The following ERICH3 variants were observed in gnomAD, a reference collection of about 807,000 sequenced individuals.
ERICH3 encodes glutamate-rich protein 3.
A neutral mutation model predicts 131.1 loss-of-function variants in ERICH3; 126 were observed. The observed-to-expected ratio is 0.96, with a 90% CI of 0.83 to 1.11. The LOEUF (loss-of-function observed/expected upper bound fraction) is 1.11. ERICH3 is among the 50% of genes most tolerant of loss of function. The pLI, the probability that ERICH3 is intolerant of heterozygous loss-of-function variation, is 0.00. For synonymous variants in ERICH3, 695 were observed against 644.6 expected (o/e 1.08, Z -1.18); for missense variants, 2,050 against 1,810.7 (o/e 1.13, Z -2.40).
chr1:74,635,880 C>T (rs774501406), intron 6 of ERICH3, among the ~76,000 whole-genome samples: 7 of 152,150 alleles, frequency 4.6e-5, no homozygotes, highest in Non-Finnish European at 1.0e-4. Flanking sequence ...GAAAGTAAGT[C>T]GGCATGCAAA....
rs1424758940 is a variant in ERICH3 at position 74,621,405 on chromosome 1, G to T, written c.820-491C>A. 3 of 152,330 alleles carry T rather than the reference G, an allele frequency of 2.0e-5. No individual in the cohort carries two copies. In the East Asian group the frequency reaches 5.8e-4, roughly 29 times the overall value. The allele number at this position is 152,330 out of a possible 1,614,324, so 9.4% of individuals were successfully genotyped here. Reference sequence around the variant, plus strand: ...TGCTTTATCTTTACAGCTGAGCACTGACAACACATCCTTCCCTGGGCTTAT... The same window carrying T: ...TGCTTTATCTTTACAGCTGAGCACTTACAACACATCCTTCCCTGGGCTTAT... On this transcript the variant is annotated intron_variant, in intron 7 of 14. Transcript: ENST00000326665.
At chr1:74,663,102 A>T (rs567392582) in intron 1 of ERICH3, among the ~76,000 whole-genome samples, 2 of 152,198 alleles carry the variant, frequency 1.3e-5, no homozygotes, top group Non-Finnish European at 2.9e-5. Flanking sequence ...CTCTGCATCT[A>T]GCTCAGGACT....
intron 1 of ERICH3, among the ~76,000 whole-genome samples, chr1:74,650,326 G>A (rs1477418172): frequency 1.3e-5 from 2 of 152,084 alleles, no homozygotes; most frequent in Admixed American, 6.6e-5. Context: ...GTCAATCTAA[G>A]TCTGTATGTC....
chr1:74,582,622 C>T (rs1214109767), intron 12 of ERICH3, among the ~76,000 whole-genome samples: 1 of 152,086 alleles, frequency 6.6e-6, no homozygotes, highest in Non-Finnish European at 1.5e-5. Flanking sequence ...AATAATTCAA[C>T]TGCTTTTGTG....
At chr1:74,658,503 C>T (rs1054103428) in intron 1 of ERICH3, among the ~76,000 whole-genome samples, 12 of 151,976 alleles carry the variant, frequency 7.9e-5, no homozygotes, top group African/African-American at 2.9e-4. Context: ...TCAACAAACA[C>T]CTAGTAGGTG....
chr1:74,647,450 T>C (rs1646495770), intron 2 of ERICH3, among the ~76,000 whole-genome samples: 1 of 152,116 alleles, frequency 6.6e-6, no homozygotes, highest in Admixed American at 6.6e-5. Flanking sequence ...TAATTTGTTG[T>C]TTTGATTCAG....
intron 11 of ERICH3, 25 bp from the exon 12 acceptor site, chr1:74,590,105 T>C (rs1054808692): frequency 4.6e-6 from 7 of 1,519,060 alleles, no homozygotes; most frequent in Non-Finnish European, 6.2e-6. Flanking sequence ...AGTGATGACA[T>C]TGTTGTTGTT....
Position 74,571,105 on chromosome 1 carries a change from C to A in ERICH3, c.*12G>T. ...ACATTACGCTTAAACTCACTGTCTG[C>A]CAGCAAGTCTCCTAGACCTGCACGT... is the stretch of plus-strand genomic sequence containing the variant. On this transcript the variant is annotated 3_prime_UTR_variant, in exon 14 of 15. Transcript: ENST00000326665. The A allele has an allele frequency of 6.2e-7, 1 of 1,606,894 alleles. No individual in the cohort carries two copies. Among genetic ancestry groups the A allele is most frequent in the Non-Finnish European group, 8.5e-7 (1 of 1,176,076 alleles).
At chr1:74,581,511 G>T (rs1038498359) in intron 12 of ERICH3, among the ~76,000 whole-genome samples, 4 of 152,026 alleles carry the variant, frequency 2.6e-5, no homozygotes, top group African/African-American at 7.2e-5. Context: ...TTAGATCCAA[G>T]AATTATTTAG....
intron 12 of ERICH3, among the ~76,000 whole-genome samples, chr1:74,585,018 T>C (rs1016447602): frequency 1.3e-5 from 2 of 152,208 alleles, no homozygotes; most frequent in Non-Finnish European, 2.9e-5. Context: ...GCACTATGAC[T>C]TTTCCTGATT....
chr1:74,645,861 G>C (rs1646478296), intron 3 of ERICH3, among the ~76,000 whole-genome samples: 1 of 151,974 alleles, frequency 6.6e-6, no homozygotes, highest in Admixed American at 6.6e-5. Flanking sequence ...ACTTCATATT[G>C]GTTTACTGAT....
intron 12 of ERICH3, chr1:74,577,239 T>C (rs1479118282): frequency 1.5e-5 from 2 of 129,228 alleles, no homozygotes; most frequent in African/African-American, 4.8e-5. Flanking sequence ...TATTCCTTAG[T>C]TGAAAGAAAA....
chr1:74,644,769 C>CTAATGAGCTGGAAA (rs902678349), intron 3 of ERICH3, among the ~76,000 whole-genome samples: 1 of 152,070 alleles, frequency 6.6e-6, no homozygotes, highest in Non-Finnish European at 1.5e-5. Flanking sequence ...TTTTCCAGCT[C>CTAATGAGCTGGAAA]ATTAATCCAT....
chr1:74,643,021 C>G lies in ERICH3; in HGVS notation c.315+6G>C, dbSNP rs754768286. On this transcript the variant is annotated splice_donor_region_variant and intron_variant, in intron 4 of 14. Coordinates refer to ENST00000326665, the MANE Select transcript of ERICH3 (RefSeq NM_001002912.5). Reference sequence around the variant, plus strand: ...TGAAGTAAAAGAGAGTTATATAACTCCTTACCTTAAACCTCTGGATTCGCT... The same window carrying G: ...TGAAGTAAAAGAGAGTTATATAACTGCTTACCTTAAACCTCTGGATTCGCT... 16 of 1,593,076 alleles carry G rather than the reference C, an allele frequency of 1.0e-5. 1 individual carries two copies. The Middle Eastern group carries it at 5.0e-4, about 50-fold the overall frequency.
At chr1:74,582,555 T>C (rs1410066814) in intron 12 of ERICH3, among the ~76,000 whole-genome samples, 2 of 152,172 alleles carry the variant, frequency 1.3e-5, no homozygotes, top group Admixed American at 6.6e-5. Context: ...AAAAGTCGAT[T>C]TATAGCCTTC....
rs565793079 is a variant in ERICH3 at position 74,673,715 on chromosome 1, G to A, written c.-196C>T. ...GCAGCCTCCCGGGCTCCCACCCTCC[G>A]TTGGTATCCACAGCTTCCCTGTTGC... is the stretch of plus-strand genomic sequence containing the variant. On this transcript the variant is annotated 5_prime_UTR_variant, in exon 1 of 15. It adds an upstream start codon to the 5' untranslated region. Transcript: ENST00000326665. The A allele has an allele frequency of 6.6e-6, 3 of 452,248 alleles. No homozygotes were observed. Among genetic ancestry groups the A allele is most frequent in the Non-Finnish European group, 1.1e-5 (3 of 261,046 alleles). 28.0% of individuals were successfully genotyped at this position (452,248 alleles called of 1,614,324 possible). A position where few individuals can be genotyped will look rare whatever the true frequency, so the allele number is the denominator to read the frequency against.
At chr1:74,590,688 C>G (rs940440198) in intron 11 of ERICH3, among the ~76,000 whole-genome samples, 5 of 152,186 alleles carry the variant, frequency 3.3e-5, no homozygotes, top group Non-Finnish European at 5.9e-5. Flanking sequence ...CACCACTCAC[C>G]TCCTGCTGTG....
intron 8 of ERICH3, among the ~76,000 whole-genome samples, chr1:74,614,170 T>G (rs543115853): frequency 6.6e-6 from 1 of 152,298 alleles, no homozygotes; most frequent in East Asian, 1.9e-4. Flanking sequence ...GTCTAGGGAC[T>G]GCCTTCTAAG....
intron 1 of ERICH3, among the ~76,000 whole-genome samples, chr1:74,658,275 C>T (rs1336116684): frequency 6.6e-6 from 1 of 152,154 alleles, no homozygotes; most frequent in East Asian, 1.9e-4. Flanking sequence ...CCCATCTTAG[C>T]TAATTTGAGG....
Sources: allele counts gnomAD v4.1 joint callset (sites outside exome capture counted in the v4.1 genomes callset), GRCh38; gene constraint gnomAD v4.1.1; transcripts MANE v1.5; gene names NCBI Gene and HGNC (gene_info 2026-07-23, HGNC 2026-07-21).